The following EXOC3L1 variants were observed in gnomAD, a reference collection of about 807,000 sequenced individuals.
The protein encoded by EXOC3L1 is exocyst complex component 3 like 1, also known as exocyst complex component 3-like protein.
In EXOC3L1, 79 loss-of-function variants were observed where a neutral mutation model predicts 83.6. The observed-to-expected ratio is 0.95, with a 90% CI of 0.79 to 1.14. The LOEUF is 1.14. EXOC3L1 is among the 50% of genes most tolerant of loss of function. EXOC3L1 has a pLI of 0.00. For missense variants in EXOC3L1, 945 were observed against 972.0 expected (o/e 0.97, Z 0.37); for synonymous variants, 433 against 451.2 (o/e 0.96, Z 0.51).
chr16:67,187,202 C>T, intron 5 of EXOC3L1, 23 bp downstream of exon 5: 1 of 1,609,836 alleles, frequency 6.2e-7, no homozygotes. Flanking sequence ...TCCCCCATGT[C>T]CCGCTGCCCC....
rs774829648 is a variant in EXOC3L1 at position 67,186,839 on chromosome 16, C to T, written c.1204G>A (p.Ala402Thr). 12 of 1,613,458 alleles carry T rather than the reference C, an allele frequency of 7.4e-6. No homozygotes were observed. Among genetic ancestry groups the T allele is most frequent in the Non-Finnish European group, 2.5e-6 (3 of 1,179,996 alleles). ...WLQNALDGEV[A>T]EWGREHGPNT... ...GGCCCATGCTCCCGGCCCCACTCAGCTACCTCCCCATCCAGTGCATTCTGC... is the reference window on the plus strand; with the variant it reads ...GGCCCATGCTCCCGGCCCCACTCAGTTACCTCCCCATCCAGTGCATTCTGC... The change falls in exon 7 of 14, where the codon GCT (alanine) becomes ACT (threonine). Residue 402 changes from alanine (A) to threonine (T), a missense_variant. Coordinates refer to ENST00000314586, the MANE Select transcript of EXOC3L1 (RefSeq NM_178516.4).
chr16:67,186,806 C>T lies in EXOC3L1; in HGVS notation c.1237G>A (p.Asp413Asn). Reference sequence around the variant, plus strand: ...GGTGAGTAATAGGAGCCAGACGGGTCTGTGTTGGGCCCATGCTCCCGGCCC... The same window carrying T: ...GGTGAGTAATAGGAGCCAGACGGGTTTGTGTTGGGCCCATGCTCCCGGCCC... ...EWGREHGPNT[D>N]PSGSYYSPMP... Residue 413 changes from aspartate to asparagine, a missense_variant, in exon 7 of 14, where the codon GAC becomes AAC. Transcript: ENST00000314586. 6.2e-7 allele frequency: 1 copy of T among 1,613,680 alleles called. No individual in the cohort carries two copies. Among genetic ancestry groups the T allele is most frequent in the South Asian group, 1.1e-5 (1 of 91,076 alleles).
rs747674018 is a variant in EXOC3L1, at chr16:67,189,122, C to T, written c.105G>A (p.Lys35=). The change falls in exon 3 of 14, where the codon AAG becomes AAA. Residue 35 remains lysine (K), a synonymous_variant. Coordinates refer to ENST00000314586, the MANE Select transcript of EXOC3L1 (RefSeq NM_178516.4). ...AEQLARGAAL[K]WASGIFYRPE... is the part of the protein sequence containing the mutation. ...GCCGGTAGAAGATGCCTGAGGCCCA[C>T]TTGAGCGCTGCACCCCGGGCCAGCT... The T allele has an allele frequency of 8.1e-6, 13 of 1,608,034 alleles. No homozygotes were observed. Among genetic ancestry groups the T allele is most frequent in the Non-Finnish European group, 1.1e-5 (13 of 1,179,432 alleles).
At chr16:67,188,299 C>T (rs1055434821) in intron 4 of EXOC3L1, among the ~76,000 whole-genome samples, 1 of 152,128 alleles carries the variant, frequency 6.6e-6, no homozygotes, top group Middle Eastern at 3.4e-3. Flanking sequence ...AAATAAATAA[C>T]CAGTAGAGTA....
chr16:67,184,682 G>A lies in EXOC3L1; in HGVS notation c.2030+4C>T. On this transcript the variant is annotated splice_donor_region_variant and intron_variant, in intron 13 of 13. Coordinates refer to ENST00000314586, the MANE Select transcript of EXOC3L1 (RefSeq NM_178516.4). Reference sequence around the variant, plus strand: ...TCTCTTCCCTTCTGGCCCCCAGTCCGCACCTCACGTCGGGAAATTGTTGCC... The same window carrying A: ...TCTCTTCCCTTCTGGCCCCCAGTCCACACCTCACGTCGGGAAATTGTTGCC... The A allele has an allele frequency of 6.3e-7, 1 of 1,575,834 alleles. No homozygotes were observed. Among genetic ancestry groups the A allele is most frequent in the Non-Finnish European group, 8.6e-7 (1 of 1,164,788 alleles).
chr16:67,185,339 C>A, intron 10 of EXOC3L1, 22 bp downstream of exon 10: 6 of 1,612,996 alleles, frequency 3.7e-6, no homozygotes, highest in Non-Finnish European at 5.1e-6. Flanking sequence ...CTGCTCCCAT[C>A]CTGACCTGAA....
chr16:67,189,798 C>A, intron 1 of EXOC3L1, 115 bp from the exon 2 acceptor site: 2 of 1,084,538 alleles, frequency 1.8e-6, no homozygotes, highest in East Asian at 2.6e-5. Context: ...CTTCCCGGCC[C>A]CCTCGGGAAG....
In EXOC3L1 at chr16:67,188,679, C is replaced by T. The variant is rs753367075; in HGVS notation, c.427+42G>A. On this transcript the variant is annotated intron_variant, in intron 4 of 13. Transcript: ENST00000314586. ...TTGATTAGGGATGGGTGTTTGTGGA[C>T]TGACTATTGGAGGCTGAGGCCCAGG... The T allele has an allele frequency of 2.6e-6, 4 of 1,565,584 alleles. No homozygotes were observed. The African/African-American group carries it at 5.4e-5, about 21-fold the overall frequency.
chr16:67,188,789 A>AG lies in EXOC3L1; in HGVS notation c.358dup (p.Leu120ProfsTer36), dbSNP rs2032800666. On this transcript the variant is annotated frameshift_variant, in exon 4 of 14. Transcript: ENST00000314586. LOFTEE classifies it high-confidence loss of function. ...CTTGTGCTGGGCAACCCGCTCCCGTAGGGGCTCTAGAGTCTGTAAGGCCTG... is the reference window on the plus strand; with the variant it reads ...CTTGTGCTGGGCAACCCGCTCCCGTAGGGGGCTCTAGAGTCTGTAAGGCCTG... The AG allele has an allele frequency of 6.2e-7, 1 of 1,613,252 alleles. No individual in the cohort carries two copies. Among genetic ancestry groups the AG allele is most frequent in the East Asian group, 2.2e-5 (1 of 44,882 alleles).
rs754032003 is a variant in EXOC3L1 at position 67,185,071 on chromosome 16, A to C, written c.1750-14T>G. On this transcript the variant is annotated splice_polypyrimidine_tract_variant and intron_variant, in intron 11 of 13. Transcript: ENST00000314586. ...AGCCAGCAGCAGCTGCGGGGAGGCA[A>C]TCAGGCGGGTGCAGGTCGCCTCTCA... is the stretch of plus-strand genomic sequence containing the variant. The C allele has an allele frequency of 6.2e-7, 1 of 1,610,742 alleles. No homozygotes were observed.
chr16:67,186,417 C>T, intron 8 of EXOC3L1, 70 bp from the exon 9 acceptor site: 2 of 1,408,680 alleles, frequency 1.4e-6, no homozygotes, highest in Non-Finnish European at 2.0e-6. Flanking sequence ...GTCCCTGGTA[C>T]TCCTGTCCCA....
chr16:67,184,512 G>A lies in EXOC3L1; in HGVS notation c.2123C>T (p.Pro708Leu), dbSNP rs962632234. Residue 708 changes from proline (P) to leucine (L), a missense_variant, in exon 14 of 14, where the codon CCG becomes CTG. Physicochemically the swap from Pro to Leu is moderately conservative, Grantham distance 98 (BLOSUM62 -3). Coordinates refer to ENST00000314586, the MANE Select transcript of EXOC3L1 (RefSeq NM_178516.4). ...GCGGCGGCTCGCGCGGGGCGACGGC[G>A]GCAGCGCAGCCTGCAGGGAGCTGAG... ...AALSSLQAAL[P>L]PSPRASRRVL... 8.6e-6 allele frequency: 13 copies of A among 1,519,582 alleles called. No homozygotes were observed. Among genetic ancestry groups the A allele is most frequent in the Non-Finnish European group, 1.1e-5 (13 of 1,141,350 alleles). 94.1% of individuals were successfully genotyped at this position (1,519,582 alleles called of 1,614,324 possible).
Position 67,190,057 on chromosome 16 carries a change from G to C in EXOC3L1, c.-94C>G. ...CTCCCCAATGCAGCTGGGCACGCCT[G>C]CCACTTGCTCACAGGGCCTGGGCAA... On this transcript the variant is annotated 5_prime_UTR_variant, in exon 1 of 14. Transcript: ENST00000314586. 1 of 195,768 alleles carries C rather than the reference G, an allele frequency of 5.1e-6. No individual in the cohort carries two copies. Among genetic ancestry groups the C allele is most frequent in the Non-Finnish European group, 1.1e-5 (1 of 94,962 alleles). 12.1% of individuals were successfully genotyped at this position (195,768 alleles called of 1,614,324 possible). A position where few individuals can be genotyped will look rare whatever the true frequency, so the allele number is the denominator to read the frequency against.
At chr16:67,188,673 T>G in intron 4 of EXOC3L1, 48 bp downstream of exon 4, 1 of 1,553,410 alleles carries the variant, frequency 6.4e-7, no homozygotes. Flanking sequence ...GATGGGTGTT[T>G]GTGGACTGAC....
intron 8 of EXOC3L1, 29 bp from the exon 9 acceptor site, chr16:67,186,376 T>C: frequency 6.6e-7 from 1 of 1,521,976 alleles, no homozygotes; most frequent in East Asian, 2.4e-5. Flanking sequence ...GCTCCTGGAC[T>C]TGCTGCTATG....
rs1298928054 is a variant in EXOC3L1 at position 67,184,568 on chromosome 16, C to G, written c.2067G>C (p.Gly689=). Residue 689 remains glycine, a synonymous_variant, in exon 14 of 14, where the codon GGG becomes GGC. Transcript: ENST00000314586. The stretch of plus-strand genomic sequence containing the variant: ...CCAGGTGCTGCTCCCGGGACAAGTC[C>G]CCGCGCAGGCCCAAGAGGGCGGAGA... The part of the protein sequence containing the change: ...DHVSALLGLR[G]DLSREQHLAA... 1.3e-6 allele frequency: 2 copies of G among 1,549,242 alleles called. No homozygotes were observed. The highest frequency in any genetic ancestry group is 2.7e-5 in the African/African-American group (2 of 72,982).
In EXOC3L1 at chr16:67,189,014, GCC is replaced by G; in HGVS notation, c.207+4_207+5del. 1.9e-6 allele frequency: 3 copies of G among 1,603,678 alleles called. No homozygotes were observed. Among genetic ancestry groups the G allele is most frequent in the Non-Finnish European group, 2.6e-6 (3 of 1,173,310 alleles). On this transcript the variant is annotated splice_donor_5th_base_variant and intron_variant, in intron 3 of 13. Transcript: ENST00000314586. ...CCAGCACCCGCACCCCCTGCCCCAT[GCC>G]CACCTTGAGGCGCGATTCCAGGGAG...
At chr16:67,184,848 C>G (rs763361020) in intron 12 of EXOC3L1, 38 bp from the exon 13 acceptor site, 1 of 1,608,092 alleles carries the variant, frequency 6.2e-7, no homozygotes, top group Non-Finnish European at 8.5e-7. Flanking sequence ...CCAGCCCTCT[C>G]TCCCACCCAG....
In EXOC3L1 at chr16:67,186,310, A is replaced by C. The variant is rs1210318316; in HGVS notation, c.1423T>G (p.Phe475Val). ...DALIRFSRDHFRGKSMAPHYV... is the reference protein window; with the variant it reads ...DALIRFSRDHVRGKSMAPHYV... Reference sequence around the variant, plus strand: ...TGAGGGGCCATTGATTTCCCCCTGAAGTGGTCTCGGGAGAATCGGATCAGA... The same window carrying C: ...TGAGGGGCCATTGATTTCCCCCTGACGTGGTCTCGGGAGAATCGGATCAGA... The change falls in exon 9 of 14, where the codon TTC becomes GTC. Residue 475 changes from phenylalanine (F) to valine (V), a missense_variant. Phe to Val is a conservative substitution (Grantham distance 50). Coordinates refer to ENST00000314586, the MANE Select transcript of EXOC3L1 (RefSeq NM_178516.4). 2 of 1,571,350 alleles carry C rather than the reference A, an allele frequency of 1.3e-6. No homozygotes were observed. Among genetic ancestry groups the C allele is most frequent in the Admixed American group, 1.9e-5 (1 of 53,874 alleles).
Sources: gnomAD v4.1 joint callset for allele counts (sites outside exome capture counted in the v4.1 genomes callset) on GRCh38, gnomAD v4.1.1 for gene constraint, MANE v1.5 for transcripts, NCBI Gene and HGNC (gene_info 2026-07-23, HGNC 2026-07-21) for gene names.